The following CSMD1 variants were observed in gnomAD, a reference collection of about 807,000 sequenced individuals.
CSMD1 encodes CUB and Sushi multiple domains 1, also known as CUB and sushi domain-containing protein 1.
In CSMD1, 213 loss-of-function variants were observed where a neutral mutation model predicts 417.5. The ratio of observed to expected loss-of-function variants is 0.51; its 90% confidence interval spans 0.46 to 0.57. The LOEUF is 0.57. Ranked by LOEUF, CSMD1 falls within the 20% of genes least tolerant of loss-of-function variation. CSMD1 has a pLI of 0.00. For synonymous variants in CSMD1, 2,862 were observed against 1,736.8 expected (o/e 1.65, Z -16.11); for missense variants, 6,923 against 4,529.7 (o/e 1.53, Z -15.17).
chr8:3,771,725 G>T (rs1036922634), intron 5 of CSMD1, among the ~76,000 whole-genome samples: 2 of 152,138 alleles, frequency 1.3e-5, no homozygotes, highest in African/African-American at 4.8e-5. Context: ...CAAAACGCAA[G>T]ATTCAATGAC....
chr8:4,518,494 T>C (rs1189623697), intron 2 of CSMD1, among the ~76,000 whole-genome samples: 2 of 151,998 alleles, frequency 1.3e-5, no homozygotes, highest in Non-Finnish European at 2.9e-5. Context: ...TATTTTAATA[T>C]TCTCAGAAAA....
At chr8:3,441,019 G>C (rs997317104) in intron 12 of CSMD1, among the ~76,000 whole-genome samples, 3 of 152,134 alleles carry the variant, frequency 2.0e-5, no homozygotes, top group African/African-American at 7.2e-5. Flanking sequence ...GATTATGTTG[G>C]TGTCCCCACA....
chr8:4,177,370 C>A (rs1218668732), intron 3 of CSMD1, among the ~76,000 whole-genome samples: 1 of 151,996 alleles, frequency 6.6e-6, no homozygotes, highest in Non-Finnish European at 1.5e-5. Context: ...TAAAGATGTT[C>A]TTTGAAACCA....
chr8:3,030,603 A>T (rs1275778757), intron 50 of CSMD1, among the ~76,000 whole-genome samples: 2 of 151,884 alleles, frequency 1.3e-5, no homozygotes, highest in Non-Finnish European at 2.9e-5. Context: ...CAGCCTCCCA[A>T]GTTGCTGGGA....
intron 52 of CSMD1, among the ~76,000 whole-genome samples, chr8:3,004,877 G>A (rs1278808493): frequency 6.6e-6 from 1 of 152,182 alleles, no homozygotes; most frequent in Non-Finnish European, 1.5e-5. Context: ...AGTGGCTCAT[G>A]CCTGTACTCC....
At chr8:3,693,379 G>C (rs940160990) in intron 7 of CSMD1, among the ~76,000 whole-genome samples, 2 of 152,132 alleles carry the variant, frequency 1.3e-5, no homozygotes, top group African/African-American at 4.8e-5. Context: ...GAGTAATGTG[G>C]AATATAATGA....
intron 1 of CSMD1, among the ~76,000 whole-genome samples, chr8:4,767,743 T>G (rs1049273654): frequency 2.0e-5 from 3 of 152,204 alleles, no homozygotes; most frequent in Non-Finnish European, 2.9e-5. Flanking sequence ...GGCTTGATTT[T>G]GCATTTATTT....
At chr8:4,276,488 T>A (rs942768756) in intron 3 of CSMD1, among the ~76,000 whole-genome samples, 4 of 152,050 alleles carry the variant, frequency 2.6e-5, no homozygotes, top group African/African-American at 9.7e-5. Context: ...AAATACCTAA[T>A]ACAGATGACG....
At chr8:4,316,039 T>C (rs74471950) in intron 3 of CSMD1, among the ~76,000 whole-genome samples, 6 of 152,236 alleles carry the variant, frequency 3.9e-5, no homozygotes, top group South Asian at 2.1e-4. Flanking sequence ...TTTGAAAATA[T>C]CCCACTGAGA....
intron 1 of CSMD1, among the ~76,000 whole-genome samples, chr8:4,964,454 G>C (rs1345429211): frequency 7.2e-6 from 1 of 138,492 alleles, no homozygotes; most frequent in Non-Finnish European, 1.5e-5. Context: ...AGGAGGTCGA[G>C]GCTGCAGTGA....
chr8:4,973,258 G>C (rs1187880538), intron 1 of CSMD1, among the ~76,000 whole-genome samples: 1 of 152,106 alleles, frequency 6.6e-6, no homozygotes, highest in Non-Finnish European at 1.5e-5. Flanking sequence ...AAATGCTTGA[G>C]GGCAGGGACT....
intron 3 of CSMD1, among the ~76,000 whole-genome samples, chr8:4,073,406 G>C (rs753338260): frequency 1.3e-5 from 2 of 152,184 alleles, no homozygotes; most frequent in East Asian, 1.9e-4. Flanking sequence ...TTTAGAAGAA[G>C]CTGAGGGAAA....
chr8:3,476,526 T>A (rs1003196128), intron 11 of CSMD1, among the ~76,000 whole-genome samples: 1 of 152,184 alleles, frequency 6.6e-6, no homozygotes, highest in Non-Finnish European at 1.5e-5. Context: ...TCTTCCAGAA[T>A]GGCGGTACCA....
chr8:3,762,780 C>A (rs527533525), intron 5 of CSMD1, among the ~76,000 whole-genome samples: 3 of 152,352 alleles, frequency 2.0e-5, no homozygotes, highest in East Asian at 1.9e-4. Flanking sequence ...AAGAGTTAAG[C>A]TGCTGACCCT....
At chr8:4,548,025 A>AG (rs1563276148) in intron 2 of CSMD1, among the ~76,000 whole-genome samples, 1 of 152,184 alleles carries the variant, frequency 6.6e-6, no homozygotes, top group African/African-American at 2.4e-5. Context: ...CCTTTAAAAA[A>AG]CATTGTGGGT....
chr8:3,440,735 A>C (rs560557571), intron 12 of CSMD1, among the ~76,000 whole-genome samples: 5 of 152,288 alleles, frequency 3.3e-5, no homozygotes, highest in African/African-American at 9.6e-5. Context: ...TTAGGGGGTA[A>C]CATCCAGTCT....
intron 25 of CSMD1, among the ~76,000 whole-genome samples, chr8:3,288,763 T>C (rs148360064): frequency 0.017 from 2,505 of 147,238 alleles, 103 homozygotes; most frequent in Middle Eastern, 0.048. Flanking sequence ...CCTGGATTCA[T>C]TGATTTTTTG....
intron 5 of CSMD1, among the ~76,000 whole-genome samples, chr8:3,889,814 T>A (rs1049732663): frequency 2.6e-5 from 4 of 152,052 alleles, no homozygotes; most frequent in Non-Finnish European, 5.9e-5. Flanking sequence ...TGTTGCAAAT[T>A]CTTTATTTCT....
At chr8:4,212,017 G>A (rs573222545) in intron 3 of CSMD1, among the ~76,000 whole-genome samples, 1 of 152,090 alleles carries the variant, frequency 6.6e-6, no homozygotes, top group Non-Finnish European at 1.5e-5. Flanking sequence ...ACTTGCATTT[G>A]TGCAGCTGTA....
Sources: gnomAD v4.1 joint callset for allele counts (sites outside exome capture counted in the v4.1 genomes callset) on GRCh38, gnomAD v4.1.1 for gene constraint, MANE v1.5 for transcripts, NCBI Gene and HGNC (gene_info 2026-07-23, HGNC 2026-07-21) for gene names.